EPHA3: variants seen among roughly 807,000 people sequenced by gnomAD.
EPHA3 encodes ephrin type-A receptor 3.
In EPHA3, 42 loss-of-function variants were observed where a neutral mutation model predicts 107.1. The observed-to-expected ratio is 0.39, with a 90% CI of 0.31 to 0.51. EPHA3 has a LOEUF of 0.51. EPHA3 is among the 20% of genes least tolerant of loss of function. The probability of loss-of-function intolerance (pLI) is 0.78; values close to 1 mark genes in which losing one functional copy is unlikely to be tolerated. For missense variants in EPHA3, 1,183 were observed against 1,211.2 expected (o/e 0.98, Z 0.35); for synonymous variants, 461 against 424.8 (o/e 1.09, Z -1.05).
chr3:89,390,498 G>A (rs549954923), intron 5 of EPHA3, among the ~76,000 whole-genome samples: 4 of 151,408 alleles, frequency 2.6e-5, no homozygotes, highest in African/African-American at 9.7e-5. Flanking sequence ...TACTCGGGAG[G>A]TTGAGGCAGG....
intron 1 of EPHA3, among the ~76,000 whole-genome samples, chr3:89,111,350 A>G (rs1038830356): frequency 1.3e-5 from 2 of 152,120 alleles, no homozygotes; most frequent in African/African-American, 4.8e-5. Context: ...TTAAAACATT[A>G]ATAGAGAACT....
intron 3 of EPHA3, among the ~76,000 whole-genome samples, chr3:89,269,547 G>A (rs1705615133): frequency 6.6e-6 from 1 of 151,596 alleles, no homozygotes; most frequent in Non-Finnish European, 1.5e-5. Context: ...TGGACTCCCA[G>A]AATGCTGTGG....
At chr3:89,340,529 T>C (rs1315057615) in intron 3 of EPHA3, among the ~76,000 whole-genome samples, 1 of 152,362 alleles carries the variant, frequency 6.6e-6, no homozygotes, top group Non-Finnish European at 1.5e-5. Context: ...GTTAATATAC[T>C]GCTTGCTGCA....
In EPHA3 at chr3:89,479,987, A is replaced by G; in HGVS notation, c.*485A>G. ...TACCTCAAACTATCTGGCCATATTT[A>G]CTACCTTATCACTGCATTATTCTCT... On this transcript the variant is annotated 3_prime_UTR_variant, in exon 17 of 17. Coordinates refer to ENST00000336596, the MANE Select transcript of EPHA3 (RefSeq NM_005233.6). 1 of 235,292 alleles carries G rather than the reference A, an allele frequency of 4.3e-6. No homozygotes were observed. Among genetic ancestry groups the G allele is most frequent in the Non-Finnish European group, 8.4e-6 (1 of 119,218 alleles). 14.6% of individuals were successfully genotyped at this position (235,292 alleles called of 1,614,324 possible).
intron 15 of EPHA3, among the ~76,000 whole-genome samples, chr3:89,471,503 G>A (rs1398822103): frequency 6.6e-6 from 1 of 152,078 alleles, no homozygotes; most frequent in African/African-American, 2.4e-5. Context: ...CGAGTAGCTG[G>A]GATTACAGGC....
intron 2 of EPHA3, among the ~76,000 whole-genome samples, chr3:89,174,867 C>G (rs1705286056): frequency 6.6e-6 from 1 of 151,204 alleles, no homozygotes; most frequent in Non-Finnish European, 1.5e-5. Context: ...TTTTAAAAAT[C>G]AAATCAAATT....
chr3:89,280,525 T>A (rs1327351827), intron 3 of EPHA3, among the ~76,000 whole-genome samples: 1 of 152,168 alleles, frequency 6.6e-6, no homozygotes, highest in Non-Finnish European at 1.5e-5. Flanking sequence ...TAGTGCTGAG[T>A]GAACTATTCT....
chr3:89,428,962 G>C, intron 11 of EPHA3, 144 bp from the exon 12 acceptor site: 1 of 461,410 alleles, frequency 2.2e-6, no homozygotes, highest in Non-Finnish European at 3.6e-6. Context: ...GAAACCTAGG[G>C]CTTTTTAAAA....
intron 2 of EPHA3, among the ~76,000 whole-genome samples, chr3:89,170,596 T>TC (rs1705189256): frequency 6.6e-6 from 1 of 152,158 alleles, no homozygotes; most frequent in African/African-American, 2.4e-5. Context: ...ACAGGTGCTG[T>TC]TGCGACTACT....
chr3:89,416,275 G>C (rs1709244123), intron 10 of EPHA3, among the ~76,000 whole-genome samples: 1 of 151,116 alleles, frequency 6.6e-6, no homozygotes, highest in African/African-American at 2.4e-5. Context: ...GCACTTATTA[G>C]AATTAAAAAA....
At chr3:89,179,016 G>T (rs75040201) in intron 2 of EPHA3, among the ~76,000 whole-genome samples, 6,416 of 151,650 alleles carry the variant, frequency 0.042, 390 homozygotes, top group African/African-American at 0.13. Context: ...AAGCAAAATG[G>T]TACAAACTAT....
At position 89,395,871 on chromosome 3, in the gene EPHA3, G is replaced by A. The variant is rs1166385630; in HGVS notation, c.1341G>A (p.Arg447=). 5 of 1,613,952 alleles carry A rather than the reference G, an allele frequency of 3.1e-6. No homozygotes were observed. The highest frequency in any genetic ancestry group is 1.3e-5 in the African/African-American group (1 of 74,994). The change falls in exon 6 of 17, where the codon CGG becomes CGA. Residue 447 remains arginine, a synonymous_variant. Coordinates refer to ENST00000336596, the MANE Select transcript of EPHA3 (RefSeq NM_005233.6). ...PSPVLTIKKD[R]TSRNSISLSW... is the part of the protein sequence containing the mutation. ...CTGTCCTGACGATTAAGAAAGATCG[G>A]ACCTCCAGAAATAGCATCTCTTTGT...
chr3:89,182,395 T>C (rs1391542952), intron 2 of EPHA3, among the ~76,000 whole-genome samples: 1 of 151,908 alleles, frequency 6.6e-6, no homozygotes, highest in African/African-American at 2.4e-5. Context: ...TTTAAATACA[T>C]CAGAGTGTCC....
chr3:89,119,570 G>T (rs1448269843), intron 1 of EPHA3, among the ~76,000 whole-genome samples: 1 of 152,130 alleles, frequency 6.6e-6, no homozygotes, highest in Admixed American at 6.5e-5. Context: ...GCCTGTGTTT[G>T]TAGATGTCCA....
chr3:89,170,399 A>T (rs1427019541), intron 2 of EPHA3, among the ~76,000 whole-genome samples: 1 of 152,154 alleles, frequency 6.6e-6, no homozygotes, highest in Non-Finnish European at 1.5e-5. Context: ...ACTTTGTCAT[A>T]TTGGATTACT....
intron 15 of EPHA3, among the ~76,000 whole-genome samples, chr3:89,461,133 A>C (rs1710230712): frequency 1.1e-5 from 1 of 89,198 alleles, no homozygotes; most frequent in Non-Finnish European, 2.1e-5. Context: ...AATTTCATCC[A>C]TGTCCCTACA....
intron 3 of EPHA3, among the ~76,000 whole-genome samples, chr3:89,337,954 T>C (rs1250387553): frequency 6.6e-6 from 1 of 152,202 alleles, no homozygotes; most frequent in African/African-American, 2.4e-5. Context: ...CTTTCACTCA[T>C]GATCACATGT....
chr3:89,140,884 T>A (rs939772057), intron 2 of EPHA3, among the ~76,000 whole-genome samples: 2 of 151,740 alleles, frequency 1.3e-5, no homozygotes, highest in African/African-American at 4.8e-5. Context: ...GTACTATTGT[T>A]GGCAGTAGAG....
chr3:89,213,349 G>A (rs1224922752), intron 3 of EPHA3, among the ~76,000 whole-genome samples: 2 of 151,974 alleles, frequency 1.3e-5, no homozygotes, highest in African/African-American at 4.8e-5. Flanking sequence ...TAATTACTGT[G>A]AGATTTCTAT....
Sources: allele counts gnomAD v4.1 joint callset (sites outside exome capture counted in the v4.1 genomes callset), GRCh38; gene constraint gnomAD v4.1.1; transcripts MANE v1.5; gene names NCBI Gene and HGNC (gene_info 2026-07-23, HGNC 2026-07-21).